Variants in DAD1 observed in about 807,000 individuals in gnomAD.
DAD1 encodes dolichyl-diphosphooligosaccharide--protein glycosyltransferase subunit DAD1.
A neutral mutation model predicts 9.0 loss-of-function variants in DAD1; 4 were observed. The ratio of observed to expected loss-of-function variants is 0.44; its 90% CI spans 0.22 to 1.01. The LOEUF is 1.01. DAD1 is among the 50% of genes least tolerant of loss of function. The pLI is 0.24. For synonymous variants in DAD1, 60 were observed against 62.5 expected (o/e 0.96, Z 0.19); for missense variants, 119 against 137.3 (o/e 0.87, Z 0.67).
At chr14:22,576,996 C>G (rs992684067) in intron 1 of DAD1, among the ~76,000 whole-genome samples, 1 of 152,098 alleles carries the variant, frequency 6.6e-6, no homozygotes, top group Non-Finnish European at 1.5e-5. Flanking sequence ...AAACTGAAAC[C>G]CTTGTGCACT....
chr14:22,570,525 T>C (rs1254356711), intron 2 of DAD1, among the ~76,000 whole-genome samples: 2 of 152,284 alleles, frequency 1.3e-5, no homozygotes, highest in Non-Finnish European at 2.9e-5. Context: ...ACTCCTCATG[T>C]TTTGTAGTAG....
At chr14:22,573,725 AAAAC>A in intron 2 of DAD1, among the ~76,000 whole-genome samples, 1 of 125,978 alleles carries the variant, frequency 7.9e-6, no homozygotes, top group African/African-American at 4.0e-5. Context: ...AAAAAAAAAA[AAAAC>A]AGAAAAGAAA....
chr14:22,566,979 C>T (rs2037005927), intron 2 of DAD1: 2 of 152,184 alleles, frequency 1.3e-5, no homozygotes, highest in South Asian at 4.1e-4. Flanking sequence ...GACTACTCAA[C>T]AGCTAAGAAG....
intron 1 of DAD1, among the ~76,000 whole-genome samples, chr14:22,576,367 T>A (rs955527344): frequency 1.1e-4 from 16 of 152,142 alleles, no homozygotes; most frequent in African/African-American, 3.9e-4. Context: ...GGGGAAACAG[T>A]CTTCTCAACC....
At position 22,589,043 on chromosome 14, in the gene DAD1, C is replaced by T. The variant is rs1225288959; in HGVS notation, c.115G>A (p.Ala39Thr). 6.2e-7 allele frequency: 1 copy of T among 1,614,226 alleles called. No homozygotes were observed. Among genetic ancestry groups the T allele is most frequent in the Admixed American group, 1.7e-5 (1 of 60,034 alleles). Residue 39 changes from alanine to threonine, a missense_variant, in exon 1 of 3, where the codon GCG (alanine) becomes ACG (threonine). Coordinates refer to ENST00000250498, the MANE Select transcript of DAD1 (RefSeq NM_001344.4). Reference protein sequence around the residue: ...AYLLYILLTGALQFGYCLLVG... With the variant: ...AYLLYILLTGTLQFGYCLLVG... ...AGGAGACAGTAACCGAACTGCAGCG[C>T]CCCGGTCAGCAGTATATACAGCAGG...
chr14:22,584,606 T>G (rs186739253), intron 1 of DAD1, among the ~76,000 whole-genome samples: 1 of 149,110 alleles, frequency 6.7e-6, no homozygotes, highest in East Asian at 1.9e-4. Context: ...GTCTAAAAAG[T>G]GAAGGAATTT....
intron 2 of DAD1, among the ~76,000 whole-genome samples, chr14:22,568,937 G>A (rs1454982615): frequency 6.6e-6 from 1 of 151,996 alleles, no homozygotes; most frequent in African/African-American, 2.4e-5. Flanking sequence ...GGGCTCAAGC[G>A]ATCCTCCCAC....
At chr14:22,567,113 C>CT (rs1447981702) in intron 2 of DAD1, 1 of 152,236 alleles carries the variant, frequency 6.6e-6, no homozygotes, top group Non-Finnish European at 1.5e-5. Flanking sequence ...TGACTTCAGT[C>CT]TATTTCACCT....
At chr14:22,587,558 A>G (rs1342282366) in intron 1 of DAD1, among the ~76,000 whole-genome samples, 16 of 152,154 alleles carry the variant, frequency 1.1e-4, no homozygotes, top group Non-Finnish European at 1.9e-4. Context: ...TCTAGGACAA[A>G]AGTCAAAGAT....
intron 2 of DAD1, among the ~76,000 whole-genome samples, chr14:22,569,399 C>A (rs893664416): frequency 1.3e-5 from 2 of 149,838 alleles, no homozygotes; most frequent in Admixed American, 6.7e-5. Flanking sequence ...TGCCACTGCA[C>A]TACAGCCTGG....
intron 2 of DAD1, among the ~76,000 whole-genome samples, chr14:22,571,760 G>T (rs2037042678): frequency 6.6e-6 from 1 of 151,442 alleles, no homozygotes; most frequent in Non-Finnish European, 1.5e-5. Context: ...CTCCCGAGTA[G>T]CTGGGATTAC....
intron 2 of DAD1, among the ~76,000 whole-genome samples, chr14:22,571,896 C>T (rs2037043755): frequency 6.6e-6 from 1 of 152,150 alleles, no homozygotes; most frequent in Non-Finnish European, 1.5e-5. Context: ...TCCCAAAATG[C>T]TGGGATTACA....
At chr14:22,574,957 A>G (rs2037066297) in intron 2 of DAD1, 102 bp downstream of exon 2, 3 of 949,822 alleles carry the variant, frequency 3.2e-6, no homozygotes, top group Non-Finnish European at 4.7e-6. Context: ...GCAAATGTCA[A>G]TAGCAGTATG....
intron 2 of DAD1, among the ~76,000 whole-genome samples, chr14:22,571,032 G>A (rs1414184562): frequency 9.9e-4 from 114 of 115,366 alleles, no homozygotes; most frequent in African/African-American, 3.9e-3. Context: ...TTTTAAAAAA[G>A]AGTTTCACAG....
At chr14:22,586,325 C>T (rs1266361564) in intron 1 of DAD1, among the ~76,000 whole-genome samples, 1 of 151,992 alleles carries the variant, frequency 6.6e-6, no homozygotes, top group African/African-American at 2.4e-5. Flanking sequence ...GCAGGCGGAT[C>T]ACCTGAGGTC....
At chr14:22,584,884 A>T (rs2037142132) in intron 1 of DAD1, among the ~76,000 whole-genome samples, 1 of 152,276 alleles carries the variant, frequency 6.6e-6, no homozygotes, top group South Asian at 2.1e-4. Flanking sequence ...ATGGACTGGA[A>T]ACCAGAGGCC....
Position 22,589,195 on chromosome 14 carries a change from C to G in DAD1, c.-38G>C, listed in dbSNP as rs375224488. 51 of 1,605,842 alleles carry G rather than the reference C, an allele frequency of 3.2e-5. No individual in the cohort carries two copies. Among genetic ancestry groups the G allele is most frequent in the Admixed American group, 1.0e-4 (6 of 59,904 alleles). On this transcript the variant is annotated 5_prime_UTR_variant, in exon 1 of 3. Coordinates refer to ENST00000250498, the MANE Select transcript of DAD1 (RefSeq NM_001344.4). ...GGTACTCCGGTCCGCGCCCCAAACTCTTGGAGGACCCGTCGACCACACCGG... is the reference window on the plus strand; with the variant it reads ...GGTACTCCGGTCCGCGCCCCAAACTGTTGGAGGACCCGTCGACCACACCGG...
rs759984190 is a variant in DAD1, at chr14:22,589,163, C to T, written c.-6G>A. The T allele has an allele frequency of 4.5e-5, 73 of 1,614,040 alleles. No individual in the cohort carries two copies. The highest frequency in any genetic ancestry group is 5.9e-5 in the Non-Finnish European group (70 of 1,180,000). ...GACACTACCGACGCCGACATAACTG[C>T]ACGCAAGGTACTCCGGTCCGCGCCC... On this transcript the variant is annotated 5_prime_UTR_variant, in exon 1 of 3. Coordinates refer to ENST00000250498, the MANE Select transcript of DAD1 (RefSeq NM_001344.4).
rs755971486 is a variant in DAD1, at chr14:22,588,987, G to C, written c.171C>G (p.Leu57=). The C allele has an allele frequency of 6.2e-7, 1 of 1,614,198 alleles. No homozygotes were observed. Among genetic ancestry groups the C allele is most frequent in the South Asian group, 1.1e-5 (1 of 91,080 alleles). ...LVGTFPFNSF[L]SGFISCVGSF... ...TCCCCACACAAGAGATGAAGCCCGA[G>C]AGAAAAGAGTTGAAGGGGAAGGTCC... is the stretch of plus-strand genomic sequence containing the variant. Residue 57 remains leucine, a synonymous_variant, in exon 1 of 3, where the codon CTC becomes CTG. Coordinates refer to ENST00000250498, the MANE Select transcript of DAD1 (RefSeq NM_001344.4).
Sources: allele counts gnomAD v4.1 joint callset (sites outside exome capture counted in the v4.1 genomes callset), GRCh38; gene constraint gnomAD v4.1.1; transcripts MANE v1.5; gene names NCBI Gene and HGNC (gene_info 2026-07-23, HGNC 2026-07-21).